DENND1A: variants seen among roughly 807,000 people sequenced by gnomAD.
The protein encoded by DENND1A is DENN domain containing 1A.
A neutral mutation model predicts 113.7 loss-of-function variants in DENND1A; 51 were observed. The ratio of observed to expected loss-of-function variants is 0.45; its 90% CI spans 0.36 to 0.57. The LOEUF (loss-of-function observed/expected upper bound fraction) is 0.57, where lower values mean the gene tolerates loss of function less well. Ranked by LOEUF, DENND1A falls within the 20% of genes least tolerant of loss-of-function variation. DENND1A has a pLI of 0.00. For synonymous variants in DENND1A, 565 were observed against 570.8 expected (o/e 0.99, Z 0.14); for missense variants, 1,258 against 1,395.9 (o/e 0.90, Z 1.57).
At chr9:123,385,479 A>T (rs370845300) in intron 22 of DENND1A, among the ~76,000 whole-genome samples, 1 of 152,206 alleles carries the variant, frequency 6.6e-6, no homozygotes, top group East Asian at 1.9e-4. Flanking sequence ...CACCTCTTCT[A>T]ACCCCAAGTC....
chr9:123,837,183 A>C (rs1841164481), intron 2 of DENND1A, among the ~76,000 whole-genome samples: 1 of 152,210 alleles, frequency 6.6e-6, no homozygotes, highest in African/African-American at 2.4e-5. Context: ...TGTGCATCTT[A>C]TGTTTTGCAT....
Position 123,382,121 on chromosome 9 carries a change from C to T in DENND1A, c.2524G>A (p.Ala842Thr), listed in dbSNP as rs772626360. ...GPGAAGTSSDALLALLDPLST... is the reference protein window; with the variant it reads ...GPGAAGTSSDTLLALLDPLST... ...AGCGGGTCCAGGAGGGCGAGCAGGG[C>T]GTCACTGCTCGTGCCTGCAGCCCCG... Residue 842 changes from alanine (A) to threonine (T), a missense_variant, in exon 24 of 24, where the codon GCC becomes ACC. By Grantham distance (58) the Ala-to-Thr change is moderately conservative. Transcript: ENST00000394215. 15 of 1,579,378 alleles carry T rather than the reference C, an allele frequency of 9.5e-6. No individual in the cohort carries two copies. The highest frequency in any genetic ancestry group is 1.8e-5 in the Admixed American group (1 of 55,848).
At chr9:123,509,162 C>T (rs1242152358) in intron 13 of DENND1A, among the ~76,000 whole-genome samples, 1 of 152,104 alleles carries the variant, frequency 6.6e-6, no homozygotes, top group African/African-American at 2.4e-5. Context: ...AACACAAGCC[C>T]GTACACACAG....
At chr9:123,789,273 A>G (rs1241920166) in intron 3 of DENND1A, among the ~76,000 whole-genome samples, 1 of 152,130 alleles carries the variant, frequency 6.6e-6, no homozygotes, top group African/African-American at 2.4e-5. Context: ...TGGGGCACAG[A>G]GAAATCACTT....
At chr9:123,514,488 C>T (rs1422819171) in intron 13 of DENND1A, among the ~76,000 whole-genome samples, 1 of 152,140 alleles carries the variant, frequency 6.6e-6, no homozygotes, top group African/African-American at 2.4e-5. Context: ...GGAGGCCTAA[C>T]CTCGGATGTC....
intron 13 of DENND1A, among the ~76,000 whole-genome samples, chr9:123,508,796 C>T (rs1037755404): frequency 1.3e-5 from 2 of 152,200 alleles, no homozygotes; most frequent in African/African-American, 2.4e-5. Context: ...GACAGATATA[C>T]TGAATTCCCA....
At position 123,738,487 on chromosome 9, in the gene DENND1A, A is replaced by G. The variant is rs1245999776; in HGVS notation, c.302+19216T>C. Among the ~76,000 whole-genome samples the G allele has an allele frequency of 4.7e-5, 6 of 126,748 alleles. No individual in the cohort carries two copies. In the East Asian group the frequency reaches 1.0e-3, roughly 22 times the overall value. 83.2% of individuals were successfully genotyped at this position (126,748 alleles called of 152,430 possible). A position where few individuals can be genotyped will look rare whatever the true frequency, so the allele number is the denominator to read the frequency against. On this transcript the variant is annotated intron_variant, in intron 5 of 23. Transcript: ENST00000394215. ...TGTGTGTGTGTGTGTGTGTGTAGTGATGTTTTTGTTTGTTTGCTTTTCATT... is the reference window on the plus strand; with the variant it reads ...TGTGTGTGTGTGTGTGTGTGTAGTGGTGTTTTTGTTTGTTTGCTTTTCATT...
At chr9:123,383,237 C>T (rs1289474567) in intron 23 of DENND1A, among the ~76,000 whole-genome samples, 2 of 152,258 alleles carry the variant, frequency 1.3e-5, no homozygotes, top group African/African-American at 2.4e-5. Flanking sequence ...GATTAGACGT[C>T]ACAGTGGGAA....
chr9:123,516,156 A>AC (rs2053891385), intron 13 of DENND1A, among the ~76,000 whole-genome samples: 1 of 110,062 alleles, frequency 9.1e-6, no homozygotes, highest in African/African-American at 4.7e-5. Flanking sequence ...ACACACACAC[A>AC]AAGGTTGGGG....
At chr9:123,452,567 G>A (rs1405467468) in intron 16 of DENND1A, among the ~76,000 whole-genome samples, 5 of 152,004 alleles carry the variant, frequency 3.3e-5, no homozygotes, top group Non-Finnish European at 7.4e-5. Context: ...GACTGGGGAT[G>A]AGGAGTGTGA....
chr9:123,437,054 C>T (rs1019104224), intron 19 of DENND1A, among the ~76,000 whole-genome samples: 1 of 152,092 alleles, frequency 6.6e-6, no homozygotes, highest in Non-Finnish European at 1.5e-5. Context: ...ATGAAGTGGG[C>T]CTGGAGATGA....
chr9:123,917,060 C>T (rs934325433), intron 1 of DENND1A, among the ~76,000 whole-genome samples: 25 of 151,936 alleles, frequency 1.6e-4, no homozygotes, highest in African/African-American at 5.5e-4. Flanking sequence ...GGCAGTTACC[C>T]GTAGTCCCAG....
At chr9:123,573,817 GA>G (rs1036469471) in intron 12 of DENND1A, among the ~76,000 whole-genome samples, 8 of 151,872 alleles carry the variant, frequency 5.3e-5, no homozygotes, top group African/African-American at 1.9e-4. Context: ...ATAGAAATAA[GA>G]AGAGCAGATA....
At chr9:123,474,501 G>A (rs772267084) in intron 13 of DENND1A, among the ~76,000 whole-genome samples, 9 of 152,284 alleles carry the variant, frequency 5.9e-5, no homozygotes, top group South Asian at 4.1e-4. Context: ...CTCATGCAGC[G>A]CAGTAGGAAA....
chr9:123,785,977 C>T (rs1175561428), intron 3 of DENND1A, among the ~76,000 whole-genome samples: 1 of 152,072 alleles, frequency 6.6e-6, no homozygotes, highest in Non-Finnish European at 1.5e-5. Flanking sequence ...CTTCAGGAGG[C>T]CAAGGTGTGA....
intron 2 of DENND1A, among the ~76,000 whole-genome samples, chr9:123,848,390 T>A (rs1049258660): frequency 2.0e-5 from 3 of 152,198 alleles, no homozygotes; most frequent in African/African-American, 7.2e-5. Flanking sequence ...CAGTGATCAA[T>A]GATCTTTGAT....
At chr9:123,806,314 G>C (rs1185603130) in intron 2 of DENND1A, among the ~76,000 whole-genome samples, 1 of 151,900 alleles carries the variant, frequency 6.6e-6, no homozygotes, top group Non-Finnish European at 1.5e-5. Flanking sequence ...GGAGTGCAGT[G>C]GCGTGATCTT....
chr9:123,608,560 C>T (rs2060272984), intron 11 of DENND1A, among the ~76,000 whole-genome samples: 2 of 152,140 alleles, frequency 1.3e-5, no homozygotes, highest in South Asian at 4.1e-4. Context: ...ACTAATGACA[C>T]TTACAAAAGC....
At chr9:123,903,659 C>T (rs560434888) in intron 1 of DENND1A, among the ~76,000 whole-genome samples, 14 of 152,156 alleles carry the variant, frequency 9.2e-5, no homozygotes, top group Non-Finnish European at 1.8e-4. Context: ...TTGCGCTTTT[C>T]GGACCGGCTT....
Sources: allele counts gnomAD v4.1 joint callset (sites outside exome capture counted in the v4.1 genomes callset), GRCh38; gene constraint gnomAD v4.1.1; transcripts MANE v1.5; gene names NCBI Gene and HGNC (gene_info 2026-07-23, HGNC 2026-07-21).